The following TNIK variants were observed in gnomAD, a reference collection of about 807,000 sequenced individuals.
The protein encoded by TNIK is TRAF2 and NCK-interacting protein kinase.
A neutral mutation model predicts 191.3 loss-of-function variants in TNIK; 49 were observed. That is an observed-to-expected ratio of 0.26 (90% CI 0.20 to 0.32). The LOEUF (loss-of-function observed/expected upper bound fraction) is 0.32. Among genes scored for constraint, TNIK ranks in the 10% least tolerant of loss-of-function variants. The pLI is 1.00. For synonymous variants in TNIK, 594 were observed against 600.9 expected (o/e 0.99, Z 0.17); for missense variants, 1,155 against 1,702.3 (o/e 0.68, Z 5.66).
intron 2 of TNIK, among the ~76,000 whole-genome samples, chr3:171,325,836 C>T (rs559203702): frequency 5.9e-5 from 9 of 152,254 alleles, no homozygotes; most frequent in Non-Finnish European, 1.2e-4. Flanking sequence ...ACATAGTACT[C>T]GGGGGAACCT....
chr3:171,066,454 G>T, intron 31 of TNIK, 122 bp downstream of exon 31: 1 of 1,510,090 alleles, frequency 6.6e-7, no homozygotes, highest in Non-Finnish European at 9.0e-7. Flanking sequence ...AGTCTTACAA[G>T]AGTTATTCAC....
chr3:171,449,778 A>G (rs1727953077), intron 1 of TNIK, among the ~76,000 whole-genome samples: 1 of 151,484 alleles, frequency 6.6e-6, no homozygotes. Context: ...CCTTTTAAAA[A>G]TTAAACAAAA....
At chr3:171,443,248 A>T (rs557940665) in intron 1 of TNIK, among the ~76,000 whole-genome samples, 4 of 152,294 alleles carry the variant, frequency 2.6e-5, no homozygotes, top group Non-Finnish European at 5.9e-5. Context: ...TTCCACTGCT[A>T]CCCAGAGTAT....
intron 9 of TNIK, 116 bp from the exon 10 acceptor site, chr3:171,167,386 G>A: frequency 7.9e-7 from 1 of 1,264,262 alleles, no homozygotes; most frequent in Non-Finnish European, 1.1e-6. Flanking sequence ...GGCTGGCATA[G>A]GGATCATCCA....
chr3:171,241,257 C>T (rs142564524), intron 2 of TNIK, among the ~76,000 whole-genome samples: 93 of 152,136 alleles, frequency 6.1e-4, no homozygotes, highest in African/African-American at 2.0e-3. Flanking sequence ...CTCAAACTCC[C>T]GACCTCAGGT....
At chr3:171,336,846 T>C (rs1457760153) in intron 2 of TNIK, among the ~76,000 whole-genome samples, 13 of 152,226 alleles carry the variant, frequency 8.5e-5, no homozygotes. Context: ...ACTGCTCTAA[T>C]GCAGTGCTCT....
intron 22 of TNIK, among the ~76,000 whole-genome samples, chr3:171,095,208 G>A (rs2108424386): frequency 6.6e-6 from 1 of 152,318 alleles, no homozygotes; most frequent in Non-Finnish European, 1.5e-5. Flanking sequence ...GATGTTTCCT[G>A]TGTCCTGTAG....
chr3:171,170,956 G>GT (rs1187104823), intron 9 of TNIK, among the ~76,000 whole-genome samples: 2 of 152,262 alleles, frequency 1.3e-5, no homozygotes, highest in Non-Finnish European at 2.9e-5. Context: ...GGAGGCTGAG[G>GT]TGGGAGGATC....
intron 28 of TNIK, among the ~76,000 whole-genome samples, chr3:171,077,198 T>G (rs1720079636): frequency 6.6e-6 from 1 of 151,994 alleles, no homozygotes; most frequent in Non-Finnish European, 1.5e-5. Context: ...CCATTTTATT[T>G]TTCTTGGAGG....
intron 1 of TNIK, among the ~76,000 whole-genome samples, chr3:171,423,802 CCCTTCCTTACA>C (rs1162490631): frequency 1.3e-5 from 2 of 152,114 alleles, no homozygotes; most frequent in Non-Finnish European, 2.9e-5. Context: ...GAAACTGGAC[CCCTTCCTTACA>C]CCTTATACAA....
intron 17 of TNIK, among the ~76,000 whole-genome samples, chr3:171,124,748 C>T (rs1351795430): frequency 6.6e-6 from 1 of 152,172 alleles, no homozygotes; most frequent in Non-Finnish European, 1.5e-5. Flanking sequence ...GTTGTAGAGA[C>T]AGAAGAGCCT....
At chr3:171,083,154 T>C (rs1461179847) in intron 26 of TNIK, among the ~76,000 whole-genome samples, 3 of 152,196 alleles carry the variant, frequency 2.0e-5, no homozygotes, top group Admixed American at 6.5e-5. Context: ...CACACACACA[T>C]TGAGAGGCTC....
At chr3:171,066,474 T>A in intron 31 of TNIK, 102 bp downstream of exon 31, 1 of 1,480,726 alleles carries the variant, frequency 6.8e-7, no homozygotes, top group Non-Finnish European at 8.9e-7. Flanking sequence ...CAGATTTTTT[T>A]TTTTTTTTTT....
intron 1 of TNIK, among the ~76,000 whole-genome samples, chr3:171,400,211 G>A (rs939078093): frequency 6.6e-6 from 1 of 152,118 alleles, no homozygotes; most frequent in African/African-American, 2.4e-5. Context: ...AATTTGATTT[G>A]CAAGAGTTTC....
chr3:171,253,312 C>A (rs1390742721), intron 2 of TNIK, among the ~76,000 whole-genome samples: 1 of 151,460 alleles, frequency 6.6e-6, no homozygotes, highest in African/African-American at 2.4e-5. Context: ...ACTAAAGTAT[C>A]TGGGAATATT....
At chr3:171,389,898 TG>T (rs2108543359) in intron 1 of TNIK, among the ~76,000 whole-genome samples, 2 of 152,324 alleles carry the variant, frequency 1.3e-5, no homozygotes, top group East Asian at 3.9e-4. Context: ...AGAAGCCCCT[TG>T]TTTCTGCCAA....
Position 171,066,588 on chromosome 3 carries a change from G to T in TNIK, c.3847C>A (p.Pro1283Thr). The change falls in exon 31 of 33, where the codon CCC becomes ACC. Residue 1283 changes from proline (P) to threonine (T), a missense_variant. This residue lies in a region of TNIK where 195 missense variants were observed against 415.4 expected (regional missense o/e 0.47). Coordinates refer to ENST00000436636, the MANE Select transcript of TNIK (RefSeq NM_015028.4). ...ATGGTTAACCTACCCACAGACGTGG[G>T]CATTTCTCCCCATTGGAGCACCACA... is the stretch of plus-strand genomic sequence containing the variant. ...KDVVLQWGEMPTSVAYIHSNQ... is the reference protein window; with the variant it reads ...KDVVLQWGEMTTSVAYIHSNQ... 1 of 1,613,538 alleles carries T rather than the reference G, an allele frequency of 6.2e-7. No homozygotes were observed.
At chr3:171,156,185 C>T (rs1733151735) in intron 12 of TNIK, among the ~76,000 whole-genome samples, 1 of 152,170 alleles carries the variant, frequency 6.6e-6, no homozygotes, top group Non-Finnish European at 1.5e-5. Context: ...CTGCCTGGTA[C>T]TTGACATTAC....
At chr3:171,306,138 C>T (rs1427941814) in intron 2 of TNIK, among the ~76,000 whole-genome samples, 5 of 152,082 alleles carry the variant, frequency 3.3e-5, no homozygotes, top group Admixed American at 6.6e-5. Context: ...CACATGTTCT[C>T]ACTTATAAGT....
Sources: gnomAD v4.1 joint callset for allele counts (sites outside exome capture counted in the v4.1 genomes callset) on GRCh38, gnomAD v4.1.1 for gene constraint, gnomAD v4.1.1 regional missense constraint, MANE v1.5 for transcripts, NCBI Gene and HGNC (gene_info 2026-07-23, HGNC 2026-07-21) for gene names.